Variants in SYNE2 observed in about 807,000 individuals in gnomAD.
The protein encoded by SYNE2 is nesprin-2.
SYNE2 carries 431 observed loss-of-function variants against 856.3 expected under a neutral mutation model. The ratio of observed to expected loss-of-function variants is 0.50; its 90% CI spans 0.47 to 0.55. The LOEUF (loss-of-function observed/expected upper bound fraction) is 0.55. Among genes scored for constraint, SYNE2 ranks in the 20% least tolerant of loss-of-function variants. The probability of loss-of-function intolerance (pLI) is 0.00; values close to 1 mark genes in which losing one functional copy is unlikely to be tolerated. For missense variants in SYNE2, 8,129 were observed against 8,023.2 expected (o/e 1.01, Z -0.50); for synonymous variants, 2,923 against 2,872.3 (o/e 1.02, Z -0.56).
At chr14:63,785,166 T>C (rs903850184) in intron 1 of SYNE2, among the ~76,000 whole-genome samples, 4 of 152,118 alleles carry the variant, frequency 2.6e-5, no homozygotes, top group African/African-American at 9.7e-5. Context: ...TTAATCGGAA[T>C]TGGCACACTT....
At chr14:63,978,453 C>A (rs1482663327) in intron 13 of SYNE2, among the ~76,000 whole-genome samples, 1 of 152,012 alleles carries the variant, frequency 6.6e-6, no homozygotes, top group Non-Finnish European at 1.5e-5. Context: ...TCTTATTACT[C>A]AAAAACAACT....
intron 65 of SYNE2, among the ~76,000 whole-genome samples, chr14:64,108,084 C>G (rs1264046300): frequency 1.3e-5 from 2 of 152,176 alleles, no homozygotes; most frequent in Admixed American, 6.5e-5. Flanking sequence ...CATGGTGGCT[C>G]AAGCCTATAA....
intron 99 of SYNE2, among the ~76,000 whole-genome samples, chr14:64,202,530 G>C (rs1031942529): frequency 6.6e-6 from 1 of 152,186 alleles, no homozygotes; most frequent in Non-Finnish European, 1.5e-5. Flanking sequence ...CTCACTCTGG[G>C]AATGATAGGA....
At position 63,978,148 on chromosome 14, in the gene SYNE2, G is replaced by T. The variant is rs907425383; in HGVS notation, c.1406+131G>T. 3.1e-5 allele frequency: 22 copies of T among 714,146 alleles called. No individual in the cohort carries two copies. The African/African-American group carries it at 3.5e-4, about 11-fold the overall frequency. 44.2% of individuals were successfully genotyped at this position (714,146 alleles called of 1,614,324 possible). The stretch of plus-strand genomic sequence containing the variant: ...TATTCTCCTTTAAATCTTGATAACA[G>T]TATCTTCACGTTTTATGTAGTAGTA... On this transcript the variant is annotated intron_variant, in intron 13 of 115. Coordinates refer to ENST00000555002, the MANE Select transcript of SYNE2 (RefSeq NM_182914.3).
chr14:63,771,840 T>C (rs1023896506), intron 1 of SYNE2, among the ~76,000 whole-genome samples: 1 of 151,812 alleles, frequency 6.6e-6, no homozygotes, highest in Admixed American at 6.6e-5. Context: ...GAGGTTGCAG[T>C]GAACCGAGAT....
intron 1 of SYNE2, among the ~76,000 whole-genome samples, chr14:63,900,677 T>C (rs1566751735): frequency 3.3e-5 from 5 of 152,126 alleles, no homozygotes. Flanking sequence ...ATTAGAAGAA[T>C]AAAGTGCCCA....
At position 63,948,166 on chromosome 14, in the gene SYNE2, TACACACACACAC is replaced by T. The variant is rs59063086; in HGVS notation, c.409-1638_409-1627del. On this transcript the variant is annotated intron_variant, in intron 6 of 115. Coordinates refer to ENST00000555002, the MANE Select transcript of SYNE2 (RefSeq NM_182914.3). The stretch of plus-strand genomic sequence containing the variant: ...GCACATACACACACAGACACACACA[TACACACACACAC>T]ACACACACACACACACACACTCCTG... Among the ~76,000 whole-genome samples the T allele has an allele frequency of 5.4e-5, 8 of 147,360 alleles. No individual in the cohort carries two copies. In the East Asian group the frequency reaches 1.0e-3, roughly 18 times the overall value.
At chr14:64,155,821 G>C (rs915717828) in intron 85 of SYNE2, among the ~76,000 whole-genome samples, 1 of 152,196 alleles carries the variant, frequency 6.6e-6, no homozygotes, top group Admixed American at 6.5e-5. Context: ...CCAGCTATTC[G>C]GGAGGCCGAG....
intron 1 of SYNE2, among the ~76,000 whole-genome samples, chr14:63,796,485 T>G (rs1887919148): frequency 6.6e-6 from 1 of 151,930 alleles, no homozygotes; most frequent in Middle Eastern, 3.4e-3. Context: ...GATGAGATTT[T>G]AAAAGGTTTG....
chr14:63,999,191 T>G, intron 27 of SYNE2, 151 bp downstream of exon 27: 1 of 820,312 alleles, frequency 1.2e-6, no homozygotes. Context: ...AGTGTCACCC[T>G]AGTCCATAAA....
At chr14:64,210,272 C>T (rs1280794724) in intron 103 of SYNE2, 148 bp downstream of exon 103, 2 of 1,063,014 alleles carry the variant, frequency 1.9e-6, no homozygotes, top group Non-Finnish European at 2.6e-6. Context: ...ACAAAGAAGC[C>T]CAAAGCTGCC....
chr14:64,080,044 C>CGTGT (rs112076744), intron 55 of SYNE2, among the ~76,000 whole-genome samples: 8,291 of 150,342 alleles, frequency 0.055, 772 homozygotes, highest in African/African-American at 0.19. Flanking sequence ...ATTAAGAGAG[C>CGTGT]GTGTGTGTGT....
chr14:64,186,403 C>G (rs551273032), intron 96 of SYNE2, 21 bp from the exon 97 acceptor site: 18 of 1,614,038 alleles, frequency 1.1e-5, no homozygotes, highest in African/African-American at 4.0e-5. Flanking sequence ...CTTTTTACCC[C>G]CTTCTTGTGA....
intron 92 of SYNE2, 104 bp downstream of exon 92, chr14:64,167,743 A>G: frequency 6.7e-7 from 1 of 1,485,632 alleles, no homozygotes; most frequent in Non-Finnish European, 9.3e-7. Context: ...CAGTCCCTAA[A>G]CACAGAATGT....
intron 19 of SYNE2, among the ~76,000 whole-genome samples, chr14:63,987,972 G>GT (rs1428861122): frequency 2.6e-5 from 4 of 152,140 alleles, no homozygotes; most frequent in Non-Finnish European, 4.4e-5. Context: ...ATTTTTATAT[G>GT]TAATACATTT....
intron 1 of SYNE2, among the ~76,000 whole-genome samples, chr14:63,836,188 A>AT (rs1889854502): frequency 1.3e-5 from 2 of 152,034 alleles, no homozygotes; most frequent in African/African-American, 4.8e-5. Context: ...TGCCTGGCTA[A>AT]TTTTTTGGTA....
At chr14:63,816,835 G>C (rs555667612) in intron 1 of SYNE2, among the ~76,000 whole-genome samples, 1 of 152,060 alleles carries the variant, frequency 6.6e-6, no homozygotes, top group Non-Finnish European at 1.5e-5. Flanking sequence ...TCGTGTCTCA[G>C]CGTCCTGGGT....
chr14:63,837,386 G>T (rs976090986), intron 1 of SYNE2, among the ~76,000 whole-genome samples: 2 of 152,124 alleles, frequency 1.3e-5, no homozygotes, highest in African/African-American at 4.8e-5. Flanking sequence ...TTTGGGTCAG[G>T]TGATGGTTTC....
At chr14:63,869,373 C>T (rs1896260860) in intron 1 of SYNE2, among the ~76,000 whole-genome samples, 1 of 152,084 alleles carries the variant, frequency 6.6e-6, no homozygotes, top group Admixed American at 6.6e-5. Flanking sequence ...TGTCTGTAAT[C>T]CCAGCACTTT....
Sources: gnomAD v4.1 joint callset for allele counts (sites outside exome capture counted in the v4.1 genomes callset) on GRCh38, gnomAD v4.1.1 for gene constraint, MANE v1.5 for transcripts, NCBI Gene and HGNC (gene_info 2026-07-23, HGNC 2026-07-21) for gene names.